Variants in LRRC27 observed in about 807,000 individuals in gnomAD.
The protein encoded by LRRC27 is leucine-rich repeat-containing protein 27.
Under a neutral mutation model 55.0 loss-of-function variants are expected in LRRC27, and 57 were observed. The ratio of observed to expected loss-of-function variants is 1.04; its 90% confidence interval spans 0.84 to 1.29. LRRC27 has a LOEUF of 1.29. Ranked by LOEUF, LRRC27 falls within the 50% of genes most tolerant of loss-of-function variation. LRRC27 has a pLI of 0.00. For missense variants in LRRC27, 721 were observed against 651.5 expected, an observed-to-expected ratio of 1.11 and a Z score of -1.16; for synonymous variants, 278 against 251.9, an observed-to-expected ratio of 1.10 and a Z score of -0.98.
At chr10:132,351,821 A>AT in intron 7 of LRRC27, 68 bp downstream of exon 7, 1 of 1,512,288 alleles carries the variant, frequency 6.6e-7, no homozygotes, top group Non-Finnish European at 8.9e-7. Context: ...CTGGGCTGTG[A>AT]TTTTATGGCA....
At chr10:132,352,507 GGCAGGC>G (rs1420558896) in intron 7 of LRRC27, among the ~76,000 whole-genome samples, 82 of 69,140 alleles carry the variant, frequency 1.2e-3, no homozygotes, top group Middle Eastern at 0.011. Flanking sequence ...CTCCGTGTGG[GGCAGGC>G]GCAGGTGCAG....
intron 8 of LRRC27, among the ~76,000 whole-genome samples, chr10:132,361,101 C>G (rs1203808607): frequency 3.3e-5 from 5 of 152,184 alleles, no homozygotes; most frequent in Non-Finnish European, 7.3e-5. Context: ...GAGGGGCCAT[C>G]TAAGGACGCC....
rs1443324050 is a variant in LRRC27 at position 132,375,052 on chromosome 10, TTG to T, written c.1417-12_1417-11del. 1 of 1,599,478 alleles carries T rather than the reference TTG, an allele frequency of 6.3e-7. No homozygotes were observed. The highest frequency in any genetic ancestry group is 8.5e-7 in the Non-Finnish European group (1 of 1,170,014). On this transcript the variant is annotated splice_polypyrimidine_tract_variant and intron_variant, in intron 10 of 10. Transcript: ENST00000368614. ...CAGCCTTTCTAACATCTCCCCCTCC[TTG>T]TCTCCCATAAGGCCACAGAGCTACA...
chr10:132,331,835 C>G (rs1275431564), upstream of LRRC27: 1 of 1,499,754 alleles, frequency 6.7e-7, no homozygotes, highest in Non-Finnish European at 9.0e-7. Context: ...AGGCCGCGGG[C>G]GCGGAAAAAC....
upstream of LRRC27, chr10:132,331,937 C>G: frequency 1.7e-6 from 1 of 591,164 alleles, no homozygotes; most frequent in Middle Eastern, 4.6e-4. Flanking sequence ...GCAAGCGCAA[C>G]CCCCCGCCCC....
At position 132,372,474 on chromosome 10, in the gene LRRC27, C is replaced by T. The variant is rs909015025; in HGVS notation, c.1417-2592C>T. Among the ~76,000 whole-genome samples, 5 of 152,284 alleles carry T rather than the reference C, an allele frequency of 3.3e-5. No homozygotes were observed. The highest frequency in any genetic ancestry group is 2.1e-4 in the South Asian group (1 of 4,826). On this transcript the variant is annotated intron_variant, in intron 10 of 10. Transcript: ENST00000368614. This position sits in a 1 kb window ranked among gnomAD's most constrained non-coding sequence, Gnocchi z 4.0. ...TCCCAGCTACGCAGGAGACAAAGGC[C>T]GGAGAATCGCTTGAACCCAGGAGGC...
upstream of LRRC27, chr10:132,331,785 C>A (rs375182637): frequency 3.7e-6 from 6 of 1,607,250 alleles, no homozygotes; most frequent in African/African-American, 8.0e-5. Flanking sequence ...CCCTCCAGAC[C>A]CTCGCGGTCT....
intron 8 of LRRC27, among the ~76,000 whole-genome samples, chr10:132,361,121 C>A (rs2133038080): frequency 6.6e-6 from 1 of 152,326 alleles, no homozygotes. Context: ...CTGTAGGAAG[C>A]CAGCCACTGC....
chr10:132,349,538 A>C (rs1174428362), intron 6 of LRRC27, among the ~76,000 whole-genome samples: 1 of 152,234 alleles, frequency 6.6e-6, no homozygotes, highest in Non-Finnish European at 1.5e-5. Context: ...GTGAAAGGGC[A>C]GGAATATCCT....
At chr10:132,345,718 C>G (rs2067651039) in intron 5 of LRRC27, among the ~76,000 whole-genome samples, 1 of 152,156 alleles carries the variant, frequency 6.6e-6, no homozygotes, top group Non-Finnish European at 1.5e-5. Flanking sequence ...GGACCAGGAC[C>G]TGGAGACAGC....
intron 6 of LRRC27, chr10:132,349,109 T>TG: frequency 8.0e-7 from 1 of 1,249,784 alleles, no homozygotes; most frequent in Non-Finnish European, 1.2e-6. Context: ...TGTGTGCCTG[T>TG]GTGTGTGTAA....
At chr10:132,345,356 G>T (rs12261435) in intron 5 of LRRC27, among the ~76,000 whole-genome samples, 3,006 of 152,292 alleles carry the variant, frequency 0.02, 83 homozygotes, top group African/African-American at 0.069. Context: ...GGTGATTATA[G>T]ATGTGCTGCA....
chr10:132,342,261 T>C lies in LRRC27; in HGVS notation c.390T>C (p.Pro130=). The change falls in exon 4 of 11, where the codon CCT becomes CCC. Residue 130 remains proline, a synonymous_variant. Coordinates refer to ENST00000368614, the MANE Select transcript of LRRC27 (RefSeq NM_030626.3). ...AAAGAAATCCTATCAAAATGTTACC[T>C]GTGGAGCTGGGTAAGTATAAAATAA... ...LLERNPIKML[P]VELGSVTTLK... 1 of 1,547,486 alleles carries C rather than the reference T, an allele frequency of 6.5e-7. No individual in the cohort carries two copies. Among genetic ancestry groups the C allele is most frequent in the South Asian group, 1.2e-5 (1 of 83,338 alleles).
At chr10:132,365,283 C>T in intron 9 of LRRC27, 141 bp from the exon 10 acceptor site, 1 of 1,162,970 alleles carries the variant, frequency 8.6e-7, no homozygotes, top group Non-Finnish European at 1.3e-6. Flanking sequence ...GCCACAGTAA[C>T]TGGCACAGCT....
Position 132,351,744 on chromosome 10 carries a change from A to G in LRRC27, c.1064A>G (p.Gln355Arg). The change falls in exon 7 of 11, where the codon CAG becomes CGG. Residue 355 changes from glutamine (Q) to arginine (R), a missense_variant. Coordinates refer to ENST00000368614, the MANE Select transcript of LRRC27 (RefSeq NM_030626.3). ...CAGGAGAAGCAGGCTCTGATGGAGC[A>G]GCAGAGACGGTGAGTCCACACAGGG... ...ELQEKQALME[Q>R]QRREKRALQE... 1 of 1,612,402 alleles carries G rather than the reference A, an allele frequency of 6.2e-7. No individual in the cohort carries two copies. The highest frequency in any genetic ancestry group is 2.2e-5 in the East Asian group (1 of 44,838).
chr10:132,369,532 C>T (rs769746046), intron 10 of LRRC27, among the ~76,000 whole-genome samples: 1 of 151,988 alleles, frequency 6.6e-6, no homozygotes, highest in South Asian at 2.1e-4. Flanking sequence ...CATGGTGGCC[C>T]GGGTGGGGGT....
At chr10:132,358,144 G>A (rs1252942667) in intron 8 of LRRC27, among the ~76,000 whole-genome samples, 1 of 152,244 alleles carries the variant, frequency 6.6e-6, no homozygotes, top group Middle Eastern at 3.2e-3. Flanking sequence ...AAAAATCTGA[G>A]AATCCAGTAG....
In LRRC27 at chr10:132,364,515, A is replaced by G. The variant is rs1269214351; in HGVS notation, c.1290-909A>G. ...CACCCACCCTTACATCTACCTCCAC[A>G]CTCGCACTTACACCCACACTTAAAT... On this transcript the variant is annotated intron_variant, in intron 9 of 10. Transcript: ENST00000368614. Among the ~76,000 whole-genome samples, 401 of 78,052 alleles carry G rather than the reference A, an allele frequency of 5.1e-3. 11 individuals carry two copies. The highest frequency in any genetic ancestry group is 0.018 in the Middle Eastern group (1 of 56). The allele number at this position is 78,052 out of a possible 152,430, so 51.2% of individuals were successfully genotyped here. A position where few individuals can be genotyped will look rare whatever the true frequency, so the allele number is the denominator to read the frequency against.
chr10:132,353,038 C>T, intron 7 of LRRC27: 1 of 1,573,874 alleles, frequency 6.4e-7, no homozygotes, highest in South Asian at 1.2e-5. Context: ...TGTCCTCCAG[C>T]TCCACTGACC....
Sources: gnomAD v4.1 joint callset for allele counts (sites outside exome capture counted in the v4.1 genomes callset) on GRCh38, gnomAD v4.1.1 for gene constraint, Gnocchi (gnomAD v3.1) non-coding constraint, MANE v1.5 for transcripts, NCBI Gene and HGNC (gene_info 2026-07-23, HGNC 2026-07-21) for gene names.